Variants in LYRM4 observed in about 807,000 individuals in gnomAD.
The protein encoded by LYRM4 is LYR motif-containing protein 4.
LYRM4 carries 9 observed loss-of-function variants against 11.7 expected under a neutral mutation model. That is an observed-to-expected ratio of 0.77 (90% CI 0.46 to 1.34). LYRM4 has a LOEUF of 1.34. Among genes scored for constraint, LYRM4 ranks in the 40% most tolerant of loss-of-function variants. The pLI is 0.00. For synonymous variants in LYRM4, 42 were observed against 40.4 expected (o/e 1.04, Z -0.15); for missense variants, 133 against 112.5 (o/e 1.18, Z -0.82).
chr6:5,062,256 A>G, the LYRM4 span, among the ~76,000 whole-genome samples: 9 of 134,768 alleles, frequency 6.7e-5, no homozygotes, highest in South Asian at 2.1e-3. Flanking sequence ...GCTAATTAAT[A>G]TATATTAATT....
At chr6:5,063,847 C>T in the LYRM4 span, among the ~76,000 whole-genome samples, 1 of 152,226 alleles carries the variant, frequency 6.6e-6, no homozygotes, top group Non-Finnish European at 1.5e-5. Context: ...TCTCTGCTCA[C>T]CCCAGCATGT....
At chr6:5,226,502 A>G (rs901564343) in intron 1 of LYRM4, among the ~76,000 whole-genome samples, 4 of 152,136 alleles carry the variant, frequency 2.6e-5, no homozygotes, top group African/African-American at 9.7e-5. Context: ...CTCCTGCCTC[A>G]GCCTCCCGAG....
At chr6:5,170,350 ATT>A (rs1759351906) in intron 2 of LYRM4, among the ~76,000 whole-genome samples, 1 of 151,872 alleles carries the variant, frequency 6.6e-6, no homozygotes, top group Non-Finnish European at 1.5e-5. Context: ...CCTTAGTGGA[ATT>A]GTGTGTGTAT....
At chr6:5,039,018 CAT>C in the LYRM4 span, among the ~76,000 whole-genome samples, 14 of 152,176 alleles carry the variant, frequency 9.2e-5, no homozygotes, top group South Asian at 6.2e-4. Context: ...GTAGTTTACA[CAT>C]GTTTCTTTTA....
At chr6:5,038,635 G>A in the LYRM4 span, among the ~76,000 whole-genome samples, 13 of 64,000 alleles carry the variant, frequency 2.0e-4, 6 homozygotes, top group Non-Finnish European at 4.2e-4. Flanking sequence ...CGCAATCCCG[G>A]CACCTCGGGA....
chr6:5,150,882 C>A (rs562172189), intron 2 of LYRM4, among the ~76,000 whole-genome samples: 2 of 152,254 alleles, frequency 1.3e-5, no homozygotes, highest in South Asian at 4.2e-4. Flanking sequence ...GATGACACAG[C>A]CTTTATGAGA....
chr6:5,149,861 C>T (rs1410186823), intron 2 of LYRM4, among the ~76,000 whole-genome samples: 1 of 152,182 alleles, frequency 6.6e-6, no homozygotes, highest in East Asian at 1.9e-4. Context: ...CAGAACATGT[C>T]GTCTTACTAG....
At chr6:5,067,297 C>T in the LYRM4 span, among the ~76,000 whole-genome samples, 1 of 152,128 alleles carries the variant, frequency 6.6e-6, no homozygotes, top group African/African-American at 2.4e-5. Flanking sequence ...TTAACATTTA[C>T]AATTGTGCAG....
intron 2 of LYRM4, among the ~76,000 whole-genome samples, chr6:5,211,799 T>C (rs1009910794): frequency 6.6e-6 from 1 of 152,238 alleles, no homozygotes; most frequent in Non-Finnish European, 1.5e-5. Context: ...AGTAACAATA[T>C]ATTTTTTCAT....
chr6:5,209,127 T>C (rs1487536353), intron 2 of LYRM4, among the ~76,000 whole-genome samples: 3 of 152,214 alleles, frequency 2.0e-5, no homozygotes, highest in Admixed American at 2.0e-4. Flanking sequence ...GGAGTCTCAC[T>C]CTGTCGCCCA....
intron 2 of LYRM4, among the ~76,000 whole-genome samples, chr6:5,153,939 T>C (rs1339428366): frequency 1.3e-5 from 2 of 152,072 alleles, no homozygotes; most frequent in Non-Finnish European, 2.9e-5. Context: ...TGAAACGCCC[T>C]AAACAGGGAT....
intron 2 of LYRM4, among the ~76,000 whole-genome samples, chr6:5,167,680 C>T (rs1361220688): frequency 2.0e-5 from 3 of 152,138 alleles, no homozygotes; most frequent in Non-Finnish European, 2.9e-5. Flanking sequence ...ACAAACAATG[C>T]TGAGCTCGAT....
At chr6:5,097,365 A>G in the LYRM4 span, among the ~76,000 whole-genome samples, 1 of 151,992 alleles carries the variant, frequency 6.6e-6, no homozygotes, top group Admixed American at 6.6e-5. Context: ...TATGTTTGAG[A>G]CAGGGTCTTG....
chr6:5,212,685 T>C (rs545902218), intron 2 of LYRM4, among the ~76,000 whole-genome samples: 2 of 152,326 alleles, frequency 1.3e-5, no homozygotes, highest in African/African-American at 4.8e-5. Flanking sequence ...AATGGCACTT[T>C]ATCAAAAGGT....
At chr6:5,065,858 T>C in the LYRM4 span, 3 of 291,534 alleles carry the variant, frequency 1.0e-5, no homozygotes, top group Admixed American at 1.2e-4. Flanking sequence ...AACACTATAG[T>C]TTCAAAAAGT....
chr6:5,218,659 A>G (rs948667943), intron 1 of LYRM4, among the ~76,000 whole-genome samples: 2 of 152,218 alleles, frequency 1.3e-5, no homozygotes. Context: ...AGCGCTCAGT[A>G]TCAATCCTAA....
At position 5,148,605 on chromosome 6, in the gene LYRM4, AT is replaced by A. The variant is rs546655116; in HGVS notation, c.208-39115del. Among the ~76,000 whole-genome samples the A allele has an allele frequency of 2.4e-4, 35 of 145,916 alleles. 1 individual carries two copies. In the South Asian group the frequency reaches 4.0e-3, roughly 17 times the overall value. On this transcript the variant is annotated intron_variant, in intron 2 of 2. Coordinates refer to ENST00000330636, the MANE Select transcript of LYRM4 (RefSeq NM_020408.6). ...GAAAATGAGAAAAGTTATAGAAAGT[AT>A]TTTTTAATGAAAGAATTCATATTAG...
At chr6:5,043,745 A>G in the LYRM4 span, among the ~76,000 whole-genome samples, 18 of 151,948 alleles carry the variant, frequency 1.2e-4, no homozygotes, top group African/African-American at 4.1e-4. Flanking sequence ...AAACCAACCA[A>G]TCCAGAGCCC....
At chr6:5,203,636 A>C (rs1013531995) in intron 2 of LYRM4, among the ~76,000 whole-genome samples, 3 of 152,230 alleles carry the variant, frequency 2.0e-5, no homozygotes, top group African/African-American at 7.2e-5. Flanking sequence ...CATGCAATAA[A>C]TATTTCACAC....
Sources: allele counts gnomAD v4.1 joint callset (sites outside exome capture counted in the v4.1 genomes callset), GRCh38; gene constraint gnomAD v4.1.1; transcripts MANE v1.5; gene names NCBI Gene and HGNC (gene_info 2026-07-23, HGNC 2026-07-21).